The following CFAP263 variants were observed in gnomAD, a reference collection of about 807,000 sequenced individuals.
CFAP263 encodes cilia and flagella associated protein 263, also known as cilia- and flagella-associated protein 263.
At chr16:58,281,221 T>G in the CFAP263 span, 1 of 165,228 alleles carries the variant, frequency 6.1e-6, no homozygotes, top group South Asian at 1.6e-4. Context: ...CTACTCCCAA[T>G]GGAGCAGTCC....
the CFAP263 span, chr16:58,280,449 C>T: frequency 4.0e-5 from 65 of 1,614,022 alleles, 1 homozygote; most frequent in Middle Eastern, 3.3e-4. Context: ...GTCGTGAATG[C>T]GTGATGGTCC....
chr16:58,252,666 A>C, the CFAP263 span: 3 of 1,487,682 alleles, frequency 2.0e-6, no homozygotes, highest in South Asian at 2.3e-5. Context: ...GTTATTAAAC[A>C]CTAGTTATTT....
chr16:58,251,165 A>G, the CFAP263 span, among the ~76,000 whole-genome samples: 2 of 152,204 alleles, frequency 1.3e-5, no homozygotes, highest in African/African-American at 2.4e-5. Flanking sequence ...GCATTTACAT[A>G]TATGATCTTA....
chr16:58,258,182 T>C, the CFAP263 span, among the ~76,000 whole-genome samples: 1 of 152,206 alleles, frequency 6.6e-6, no homozygotes, highest in Non-Finnish European at 1.5e-5. Context: ...TTCTATTTTT[T>C]TGAAGAATGC....
At chr16:58,258,086 C>T in the CFAP263 span, among the ~76,000 whole-genome samples, 1 of 120,312 alleles carries the variant, frequency 8.3e-6, no homozygotes, top group Admixed American at 1.0e-4. Context: ...CCAGCCTGGG[C>T]AATAGAGCGA....
the CFAP263 span, among the ~76,000 whole-genome samples, chr16:58,259,026 TAAA>T: frequency 6.6e-6 from 1 of 151,636 alleles, no homozygotes; most frequent in African/African-American, 2.4e-5. Context: ...AATAAATAAA[TAAA>T]TGCGTGTTTA....
the CFAP263 span, chr16:58,250,017 G>A: frequency 2.5e-6 from 4 of 1,586,688 alleles, no homozygotes; most frequent in Admixed American, 5.4e-5. Flanking sequence ...GCAGAGTGAT[G>A]ACTGATGATG....
At chr16:58,276,988 T>C in the CFAP263 span, among the ~76,000 whole-genome samples, 1 of 152,262 alleles carries the variant, frequency 6.6e-6, no homozygotes, top group South Asian at 2.1e-4. Context: ...CTAAAAACAG[T>C]GTATGCTTCT....
the CFAP263 span, among the ~76,000 whole-genome samples, chr16:58,256,023 A>G: frequency 6.6e-6 from 1 of 152,234 alleles, no homozygotes. Context: ...GTTGGCTTGC[A>G]TTTGAGAGCC....
At chr16:58,262,472 A>G in the CFAP263 span, 3 of 1,613,254 alleles carry the variant, frequency 1.9e-6, no homozygotes, top group Non-Finnish European at 1.7e-6. Context: ...AATTGAAGCA[A>G]GGAATCAAGA....
the CFAP263 span, chr16:58,267,591 G>A: frequency 6.4e-7 from 1 of 1,565,070 alleles, no homozygotes; most frequent in Non-Finnish European, 8.8e-7. Flanking sequence ...GAGGAGGTAG[G>A]AGAGAGCAAA....
the CFAP263 span, among the ~76,000 whole-genome samples, chr16:58,270,293 A>G: frequency 1.3e-5 from 2 of 152,202 alleles, no homozygotes; most frequent in African/African-American, 2.4e-5. Flanking sequence ...ATATGCTCAG[A>G]ACACTTACAT....
chr16:58,256,607 T>A, the CFAP263 span, among the ~76,000 whole-genome samples: 1 of 152,154 alleles, frequency 6.6e-6, no homozygotes, highest in African/African-American at 2.4e-5. Context: ...AAGGAGTTTA[T>A]CTTTGATGTC....
chr16:58,270,100 T>C, the CFAP263 span, among the ~76,000 whole-genome samples: 2 of 152,250 alleles, frequency 1.3e-5, no homozygotes, highest in East Asian at 3.8e-4. Context: ...CATCTTTTCA[T>C]GTGCTTATTG....
chr16:58,267,478 G>A, the CFAP263 span: 1 of 1,606,310 alleles, frequency 6.2e-7, no homozygotes, highest in Non-Finnish European at 8.5e-7. Flanking sequence ...TTATATTTCA[G>A]AGCAAGCTTC....
At chr16:58,280,842 T>C in the CFAP263 span, 1 of 1,319,024 alleles carries the variant, frequency 7.6e-7, no homozygotes, top group Non-Finnish European at 1.0e-6. Flanking sequence ...CTGTTTGTTC[T>C]AGAAATGTTT....
the CFAP263 span, among the ~76,000 whole-genome samples, chr16:58,278,799 G>GTT: frequency 8.2e-4 from 124 of 151,936 alleles, no homozygotes; most frequent in Non-Finnish European, 1.3e-3. Context: ...AGGATGATTT[G>GTT]TTTTTTTTGA....
At chr16:58,266,397 ATATATATATTT>A in the CFAP263 span, among the ~76,000 whole-genome samples, 2 of 43,406 alleles carry the variant, frequency 4.6e-5, no homozygotes, top group African/African-American at 2.0e-4. Flanking sequence ...ATATATATAT[ATATATATATTT>A]TTTTTTTTTT....
chr16:58,261,943 T>C, the CFAP263 span, among the ~76,000 whole-genome samples: 5 of 152,194 alleles, frequency 3.3e-5, no homozygotes, highest in Non-Finnish European at 7.4e-5. Flanking sequence ...TTTTTCATGT[T>C]AAAAACAACT....
Sources: gnomAD v4.1 joint callset for allele counts (sites outside exome capture counted in the v4.1 genomes callset) on GRCh38, gnomAD v4.1.1 for gene constraint, MANE v1.5 for transcripts, NCBI Gene and HGNC (gene_info 2026-07-23, HGNC 2026-07-21) for gene names.